The following CTNNA1 variants were observed in gnomAD, a reference collection of about 807,000 sequenced individuals.
CTNNA1 encodes catenin alpha 1, also known as catenin alpha-1.
A neutral mutation model predicts 98.4 loss-of-function variants in CTNNA1; 37 were observed. That is an observed-to-expected ratio of 0.38 (90% CI 0.29 to 0.49). The LOEUF (loss-of-function observed/expected upper bound fraction) is 0.49. Ranked by LOEUF, CTNNA1 falls within the 20% of genes least tolerant of loss-of-function variation. CTNNA1 has a pLI of 0.95. For missense variants in CTNNA1, 761 were observed against 1,147.2 expected (o/e 0.66, Z 4.86); for synonymous variants, 404 against 413.2 (o/e 0.98, Z 0.27).
At chr5:138,844,842 TAAAAC>T (rs2149827247) in intron 7 of CTNNA1, among the ~76,000 whole-genome samples, 1 of 152,284 alleles carries the variant, frequency 6.6e-6, no homozygotes, top group South Asian at 2.1e-4. Context: ...GGGCTAAGGT[TAAAAC>T]AAAGATTTAG....
Position 138,933,752 on chromosome 5 carries a change from G to A in CTNNA1, c.2434-50G>A. 2 of 1,584,332 alleles carry A rather than the reference G, an allele frequency of 1.3e-6. No homozygotes were observed. The highest frequency in any genetic ancestry group is 1.2e-5 in the South Asian group (1 of 85,548). On this transcript the variant is annotated intron_variant, in intron 17 of 17. Transcript: ENST00000302763. ...TCAAGCACAGCCCACCTGTGTCCACGAGGCTGGAGGTCAGGCCGGTGCTTC... is the reference window on the plus strand; with the variant it reads ...TCAAGCACAGCCCACCTGTGTCCACAAGGCTGGAGGTCAGGCCGGTGCTTC...
At chr5:138,843,425 G>T (rs189000243) in intron 7 of CTNNA1, among the ~76,000 whole-genome samples, 26 of 152,064 alleles carry the variant, frequency 1.7e-4, no homozygotes, top group African/African-American at 6.3e-4. Flanking sequence ...TACACCCTTC[G>T]GAGGGCATTT....
At chr5:138,871,841 G>A (rs758713695) in intron 7 of CTNNA1, 6 of 151,698 alleles carry the variant, frequency 4.0e-5, no homozygotes, top group Non-Finnish European at 8.9e-5. Context: ...TTATATAATA[G>A]TTGGAAAGTG....
chr5:138,796,989 G>T (rs774442156), intron 3 of CTNNA1, among the ~76,000 whole-genome samples: 1 of 152,192 alleles, frequency 6.6e-6, no homozygotes, highest in Non-Finnish European at 1.5e-5. Context: ...TGAGATTGGG[G>T]CTACAGATAC....
intron 7 of CTNNA1, among the ~76,000 whole-genome samples, chr5:138,830,182 C>G (rs1294781931): frequency 6.9e-6 from 1 of 144,960 alleles, no homozygotes; most frequent in Non-Finnish European, 1.5e-5. Flanking sequence ...AAAAAAAACC[C>G]AAAAAATAAA....
At chr5:138,892,847 T>C (rs995232405) in intron 9 of CTNNA1, among the ~76,000 whole-genome samples, 1 of 151,688 alleles carries the variant, frequency 6.6e-6, no homozygotes, top group Non-Finnish European at 1.5e-5. Flanking sequence ...TGAAACTCTG[T>C]CTCTACTAAG....
chr5:138,776,894 A>G (rs369795977), intron 1 of CTNNA1, among the ~76,000 whole-genome samples: 42,490 of 73,212 alleles, frequency 0.58, 11,710 homozygotes, highest in East Asian at 0.76. Flanking sequence ...CTGGCCGGGC[A>G]GGGGGCTGAC....
chr5:138,817,406 A>G (rs972938984), intron 5 of CTNNA1, among the ~76,000 whole-genome samples: 1 of 152,034 alleles, frequency 6.6e-6, no homozygotes, highest in Non-Finnish European at 1.5e-5. Context: ...TACTTTTTTG[A>G]TTCAATCTCT....
chr5:138,916,138 T>A (rs1580785177), intron 10 of CTNNA1, among the ~76,000 whole-genome samples: 1 of 129,012 alleles, frequency 7.8e-6, no homozygotes, highest in South Asian at 2.3e-4. Flanking sequence ...ATATCCAGAA[T>A]AGACAAATCC....
intron 10 of CTNNA1, among the ~76,000 whole-genome samples, chr5:138,915,752 T>G (rs1048221254): frequency 1.7e-4 from 26 of 152,230 alleles, no homozygotes; most frequent in African/African-American, 6.3e-4. Context: ...TACTGGTACA[T>G]GCTACACATG....
intron 9 of CTNNA1, among the ~76,000 whole-genome samples, chr5:138,898,717 C>T (rs534472711): frequency 2.0e-4 from 31 of 152,282 alleles, no homozygotes; most frequent in Admixed American, 1.8e-3. Context: ...ATATTTCATC[C>T]CTTCTGAAAA....
intron 3 of CTNNA1, among the ~76,000 whole-genome samples, chr5:138,791,615 CAAAAAAAAAAAAAA>C (rs1181055311): frequency 2.5e-5 from 1 of 40,306 alleles, no homozygotes; most frequent in African/African-American, 1.1e-4. Flanking sequence ...GACTCCGTCT[CAAAAAAAAAAAAAA>C]AAAAAAAAAA....
chr5:138,831,200 C>T (rs1761244507), intron 7 of CTNNA1, among the ~76,000 whole-genome samples: 2 of 152,126 alleles, frequency 1.3e-5, no homozygotes, highest in Admixed American at 1.3e-4. Context: ...TTTTGTGTTG[C>T]TTATTACCAG....
At chr5:138,858,441 G>C (rs1013678653) in intron 7 of CTNNA1, among the ~76,000 whole-genome samples, 1 of 152,050 alleles carries the variant, frequency 6.6e-6, no homozygotes, top group African/African-American at 2.4e-5. Flanking sequence ...ATTTTTAAAG[G>C]TAAGTTTTAT....
intron 7 of CTNNA1, 152 bp downstream of exon 7, chr5:138,827,870 A>G: frequency 3.4e-6 from 3 of 880,510 alleles, no homozygotes; most frequent in Non-Finnish European, 5.1e-6. Context: ...AGAAATGGAT[A>G]AATGGCTAAG....
At chr5:138,760,211 C>T (rs936657078) in intron 1 of CTNNA1, among the ~76,000 whole-genome samples, 1 of 151,544 alleles carries the variant, frequency 6.6e-6, no homozygotes, top group African/African-American at 2.4e-5. Context: ...TCAGGCTGGT[C>T]TTGAACTCCT....
At chr5:138,816,972 A>G (rs1052124311) in intron 5 of CTNNA1, among the ~76,000 whole-genome samples, 3 of 152,178 alleles carry the variant, frequency 2.0e-5, no homozygotes, top group African/African-American at 4.8e-5. Flanking sequence ...GAGTGCCTGG[A>G]TTACAGGTGT....
Position 138,874,035 on chromosome 5 carries a change from G to A in CTNNA1, c.1063-12177G>A. 1.9e-6 allele frequency: 3 copies of A among 1,613,986 alleles called. No homozygotes were observed. Among genetic ancestry groups the A allele is most frequent in the South Asian group, 1.1e-5 (1 of 91,084 alleles). On this transcript the variant is annotated intron_variant, in intron 7 of 17. Transcript: ENST00000302763. This position sits in a 1 kb window ranked among gnomAD's most constrained non-coding sequence, Gnocchi z 4.1. ...TCCAGACTACGACAGTCCCAGAACA[G>A]GCGTACTGGGATAGTCCGCAGGGAG...
chr5:138,874,373 G>A lies in CTNNA1; in HGVS notation c.1063-11839G>A, dbSNP rs1027406854. ...ATTGTGCCTCAGGGACAGGCCCAGA[G>A]AGCCCTTGTCTGTGGCGTTTGGCAC... On this transcript the variant is annotated intron_variant, in intron 7 of 17. Transcript: ENST00000302763. The surrounding 1 kb of genome is among the most constrained non-coding windows in gnomAD (Gnocchi z 4.1). The A allele has an allele frequency of 3.1e-6, 5 of 1,613,872 alleles. No individual in the cohort carries two copies. The Admixed American group carries it at 5.0e-5, about 16-fold the overall frequency.
Sources: gnomAD v4.1 joint callset for allele counts (sites outside exome capture counted in the v4.1 genomes callset) on GRCh38, gnomAD v4.1.1 for gene constraint, Gnocchi (gnomAD v3.1) non-coding constraint, MANE v1.5 for transcripts, NCBI Gene and HGNC (gene_info 2026-07-23, HGNC 2026-07-21) for gene names.